GALK1: variants seen among roughly 807,000 people sequenced by gnomAD.
GALK1 encodes the protein galactokinase 1.
Under a neutral mutation model 38.6 loss-of-function variants are expected in GALK1, and 30 were observed. The observed-to-expected ratio is 0.78, with a 90% CI of 0.58 to 1.05. The LOEUF (loss-of-function observed/expected upper bound fraction) is 1.05, where lower values mean the gene tolerates loss of function less well. GALK1 is among the 50% of genes least tolerant of loss of function. The pLI is 0.00. For missense variants in GALK1, 512 were observed against 540.5 expected (o/e 0.95, Z 0.52); for synonymous variants, 240 against 233.6 (o/e 1.03, Z -0.25).
rs1282302483 is a variant in GALK1, at chr17:75,763,109, C to A, written c.516G>T (p.Gln172His). The change falls in exon 4 of 8, where the codon CAG (glutamine) becomes CAT (histidine). Residue 172 changes from glutamine (Q) to histidine (H), a missense_variant. Gln to His is a conservative substitution (Grantham distance 24, BLOSUM62 0). Transcript: ENST00000588479. ...TIAARAQVCQQAEHSFAGMPC... is the reference protein window; with the variant it reads ...TIAARAQVCQHAEHSFAGMPC... ...GCATCCCTGCGAAGCTGTGCTCGGCCTGCTGACACACCTGGGCGCGGGCAG... is the reference window on the plus strand; with the variant it reads ...GCATCCCTGCGAAGCTGTGCTCGGCATGCTGACACACCTGGGCGCGGGCAG... 1.2e-6 allele frequency: 2 copies of A among 1,612,426 alleles called. No homozygotes were observed.
chr17:75,752,226 G>A (rs1444196453), intron 8 of GALK1: 1 of 1,613,894 alleles, frequency 6.2e-7, no homozygotes, highest in South Asian at 1.1e-5. Context: ...AGAACCGGAT[G>A]CTGCTTATTG....
intron 5 of GALK1, among the ~76,000 whole-genome samples, chr17:75,760,469 A>C (rs1012891229): frequency 2.7e-5 from 4 of 150,340 alleles, no homozygotes; most frequent in African/African-American, 9.8e-5. Context: ...TATTAAGAGA[A>C]TGCAGATAGG....
chr17:75,753,993 G>A, downstream of GALK1: 2 of 1,103,344 alleles, frequency 1.8e-6, no homozygotes, highest in Non-Finnish European at 2.3e-6. Context: ...CTCACCCGCC[G>A]CCCCCCGATC....
chr17:75,755,861 G>A, downstream of GALK1: 2 of 1,600,426 alleles, frequency 1.2e-6, no homozygotes, highest in South Asian at 2.2e-5. Flanking sequence ...GTGAGGCATG[G>A]TGGCTGCCAG....
chr17:75,764,281 G>C (rs779637479), intron 1 of GALK1, 195 bp from the exon 2 acceptor site: 5 of 763,856 alleles, frequency 6.5e-6, no homozygotes, highest in Non-Finnish European at 1.2e-5. Flanking sequence ...GTCTTCAGGG[G>C]CGGGGCGGCT....
chr17:75,764,753 G>T, intron 1 of GALK1: 1 of 628,468 alleles, frequency 1.6e-6, no homozygotes, highest in Non-Finnish European at 2.8e-6. Flanking sequence ...GAGCCAAGAG[G>T]CGGCCGCGCA....
Position 75,765,073 on chromosome 17 carries a change from C to T in GALK1, c.64G>A (p.Glu22Lys). The change falls in exon 1 of 8, where the codon GAG becomes AAG. Residue 22 changes from glutamate to lysine, a missense_variant. Physicochemically the swap from Glu to Lys is moderately conservative, Grantham distance 56. Coordinates refer to ENST00000588479, the MANE Select transcript of GALK1 (RefSeq NM_000154.2). ...AGCTCGGGCTCGGCCCCGAACTCCT[C>T]CCGGAAGGCTCGCCGGGCCTCGGCC... Reference protein sequence around the residue: ...LLAEARRAFREEFGAEPELAV... With the variant: ...LLAEARRAFRKEFGAEPELAV... 6.3e-7 allele frequency: 1 copy of T among 1,599,986 alleles called. No individual in the cohort carries two copies. Among genetic ancestry groups the T allele is most frequent in the Non-Finnish European group, 8.5e-7 (1 of 1,174,324 alleles).
chr17:75,751,744 A>G (rs770283464), intron 8 of GALK1: 13 of 237,810 alleles, frequency 5.5e-5, no homozygotes, highest in Non-Finnish European at 1.1e-4. Flanking sequence ...CCGTCTAAAA[A>G]TAAATAAATA....
chr17:75,763,776 A>G, intron 2 of GALK1, 121 bp downstream of exon 2: 2 of 1,030,912 alleles, frequency 1.9e-6, no homozygotes, highest in Non-Finnish European at 2.9e-6. Flanking sequence ...TCATCTGTAC[A>G]ATGGGATGCT....
Position 75,759,518 on chromosome 17 carries a change from G to C in GALK1, c.794-919C>G, listed in dbSNP as rs578261560. Among the ~76,000 whole-genome samples the C allele has an allele frequency of 3.3e-5, 5 of 152,188 alleles. No homozygotes were observed. In the South Asian group the frequency reaches 1.0e-3, roughly 32 times the overall value. On this transcript the variant is annotated intron_variant, in intron 5 of 7. Coordinates refer to ENST00000588479, the MANE Select transcript of GALK1 (RefSeq NM_000154.2). ...GGAAGAAAACTGAGCATGTCTTGGA[G>C]GCTGAGGGAAGGAGCCAGGCAGCCA...
chr17:75,758,115 C>T lies in GALK1; in HGVS notation c.1120G>A (p.Gly374Arg), dbSNP rs201811960. The change falls in exon 8 of 8, where the codon GGG becomes AGG. Residue 374 changes from glycine (G) to arginine (R), a missense_variant. Coordinates refer to ENST00000588479, the MANE Select transcript of GALK1 (RefSeq NM_000154.2). The stretch of plus-strand genomic sequence containing the variant: ...TGAGAGAGGTAGAAGGTGGCAGTCC[C>T]GCCGTAGTGCTCCTGTAAGAGGCGG... Reference protein sequence around the residue: ...AMRHIQEHYGGTATFYLSQAA... With the variant: ...AMRHIQEHYGRTATFYLSQAA... 48 of 1,612,572 alleles carry T rather than the reference C, an allele frequency of 3.0e-5. No individual in the cohort carries two copies. The highest frequency in any genetic ancestry group is 1.3e-4 in the East Asian group (6 of 44,890).
downstream of GALK1, chr17:75,755,066 A>T (rs1293463542): frequency 1.9e-6 from 3 of 1,598,878 alleles, no homozygotes; most frequent in Admixed American, 1.7e-5. Context: ...CCTCCCTCCC[A>T]TCTGGGAACA....
In GALK1 at chr17:75,764,391, A is replaced by G. The variant is rs766995845; in HGVS notation, c.166-305T>C. 6.3e-6 allele frequency: 4 copies of G among 635,204 alleles called. No homozygotes were observed. In the Admixed American group the frequency reaches 7.3e-5, roughly 12 times the overall value. 39.3% of individuals were successfully genotyped at this position (635,204 alleles called of 1,614,324 possible). A position where few individuals can be genotyped will look rare whatever the true frequency, so the allele number is the denominator to read the frequency against. On this transcript the variant is annotated intron_variant, in intron 1 of 7. Coordinates refer to ENST00000588479, the MANE Select transcript of GALK1 (RefSeq NM_000154.2). ...ATCACTGGAGCTCCAAAGCCTTTAC[A>G]TTTTGGGGTGGCTCTGGACATCCTG...
chr17:75,756,509 G>C (rs555823505), downstream of GALK1: 2 of 1,613,294 alleles, frequency 1.2e-6, no homozygotes, highest in Non-Finnish European at 1.7e-6. Flanking sequence ...CCACTCCTAC[G>C]TGTTCCGCGT....
In GALK1 at chr17:75,758,050, G is replaced by A. The variant is rs765368371; in HGVS notation, c.*6C>T. On this transcript the variant is annotated 3_prime_UTR_variant, in exon 8 of 8. Transcript: ENST00000588479. ...CACCCTCACCGTGTGCTGTCCTGGG[G>A]GTGCCTCACAAGCACAGCACCTTGG... The A allele has an allele frequency of 1.2e-6, 2 of 1,612,752 alleles. No homozygotes were observed. Among genetic ancestry groups the A allele is most frequent in the Non-Finnish European group, 8.5e-7 (1 of 1,179,964 alleles).
intron 8 of GALK1, chr17:75,752,234 T>C (rs2061383554): frequency 1.9e-6 from 3 of 1,613,834 alleles, no homozygotes; most frequent in Non-Finnish European, 1.7e-6. Context: ...ATGCTGCTTA[T>C]TGAGAACCTT....
downstream of GALK1, chr17:75,757,664 G>A (rs530129255): frequency 6.4e-5 from 94 of 1,462,188 alleles, 1 homozygote; most frequent in East Asian, 8.2e-4. Flanking sequence ...CAGCCCACCC[G>A]CATGCACAGA....
downstream of GALK1, chr17:75,757,773 G>A (rs1469921230): frequency 2.9e-6 from 2 of 696,260 alleles, no homozygotes; most frequent in African/African-American, 3.5e-5. Context: ...GCAGCACAAG[G>A]ACCCAGCCTT....
chr17:75,753,776 A>G (rs780138064), downstream of GALK1: 53 of 1,448,248 alleles, frequency 3.7e-5, no homozygotes, highest in Non-Finnish European at 4.5e-5. Context: ...CTGCGGCTGG[A>G]AGTTCGAGCC....
Sources: allele counts gnomAD v4.1 joint callset (sites outside exome capture counted in the v4.1 genomes callset), GRCh38; gene constraint gnomAD v4.1.1; transcripts MANE v1.5; gene names NCBI Gene and HGNC (gene_info 2026-07-23, HGNC 2026-07-21).